Variants in ATP10D observed in about 807,000 individuals in gnomAD.
ATP10D encodes the protein phospholipid-transporting ATPase VD.
In ATP10D, 89 loss-of-function variants were observed where a neutral mutation model predicts 144.8. The ratio of observed to expected loss-of-function variants is 0.61; its 90% CI spans 0.52 to 0.73. The LOEUF (loss-of-function observed/expected upper bound fraction) is 0.73, where lower values mean the gene tolerates loss of function less well. ATP10D is among the 30% of genes least tolerant of loss of function. ATP10D has a pLI of 0.00. For synonymous variants in ATP10D, 571 were observed against 615.1 expected, an observed-to-expected ratio of 0.93 and a Z score of 1.06; for missense variants, 1,603 against 1,714.8, an observed-to-expected ratio of 0.93 and a Z score of 1.15.
At chr4:47,504,608 G>A (rs1249417030) in intron 1 of ATP10D, among the ~76,000 whole-genome samples, 1 of 151,916 alleles carries the variant, frequency 6.6e-6, no homozygotes, top group Non-Finnish European at 1.5e-5. Flanking sequence ...TGTGGCCCAG[G>A]CTGGAGTGCA....
chr4:47,591,457 A>ATGACTTGTTT lies in ATP10D; in HGVS notation c.*78_*87dup. ...TGAAGAGGTATCTCTCCAAGCAAGA[A>ATGACTTGTTT]TGACTTGTTTTTCCATAAGGGACAT... On this transcript the variant is annotated 3_prime_UTR_variant, in exon 23 of 23. Coordinates refer to ENST00000273859, the MANE Select transcript of ATP10D (RefSeq NM_020453.4). The ATGACTTGTTT allele has an allele frequency of 7.7e-7, 1 of 1,298,514 alleles. No individual in the cohort carries two copies. The highest frequency in any genetic ancestry group is 1.5e-5 in the African/African-American group (1 of 67,184). The allele number at this position is 1,298,514 out of a possible 1,614,324, so 80.4% of individuals were successfully genotyped here.
chr4:47,562,812 G>A (rs1477732700), intron 14 of ATP10D, among the ~76,000 whole-genome samples: 2 of 151,326 alleles, frequency 1.3e-5, no homozygotes, highest in East Asian at 1.9e-4. Context: ...ACCAACAAAC[G>A]ATTAAAGAAA....
rs1219423153 is a variant in ATP10D, at chr4:47,487,224, C to T, written c.-38+1705C>T. Among the ~76,000 whole-genome samples the T allele has an allele frequency of 1.7e-4, 10 of 58,652 alleles. 1 individual carries two copies. The highest frequency in any genetic ancestry group is 4.3e-4 in the African/African-American group (7 of 16,436). The allele number at this position is 58,652 out of a possible 152,430, so 38.5% of individuals were successfully genotyped here. On this transcript the variant is annotated intron_variant, in intron 1 of 22. Coordinates refer to ENST00000273859, the MANE Select transcript of ATP10D (RefSeq NM_020453.4). ...AGCCTGGGCAACAAGAGCAAAACTC[C>T]GTCCCCCAAAAAAAAAAAAAAAAAA... is the stretch of plus-strand genomic sequence containing the variant.
intron 9 of ATP10D, among the ~76,000 whole-genome samples, chr4:47,544,179 A>G (rs1718299432): frequency 6.6e-6 from 1 of 152,186 alleles, no homozygotes; most frequent in African/African-American, 2.4e-5. Flanking sequence ...AAGTTTATTT[A>G]TTTGTAAAAT....
At chr4:47,508,905 A>T (rs539506009) in intron 1 of ATP10D, among the ~76,000 whole-genome samples, 11 of 152,318 alleles carry the variant, frequency 7.2e-5, no homozygotes, top group Admixed American at 2.6e-4. Flanking sequence ...TCATCTCTGA[A>T]GTCTAAGCCT....
intron 5 of ATP10D, among the ~76,000 whole-genome samples, chr4:47,531,086 A>G (rs1285923579): frequency 6.6e-6 from 1 of 150,744 alleles, no homozygotes; most frequent in Non-Finnish European, 1.5e-5. Context: ...GGTATCAGCT[A>G]TTTTTTTTTG....
rs1444471938 is a variant in ATP10D at position 47,534,561 on chromosome 4, A to C, written c.777-948A>C. The stretch of plus-strand genomic sequence containing the variant: ...CACGATGTCTCCTTGTCCCATTGTA[A>C]GATTAGTGTTATCAGCCTTATCCTA... On this transcript the variant is annotated intron_variant, in intron 5 of 22. Transcript: ENST00000273859. Among the ~76,000 whole-genome samples, 5 of 152,286 alleles carry C rather than the reference A, an allele frequency of 3.3e-5. No homozygotes were observed. The East Asian group carries it at 9.6e-4, about 29-fold the overall frequency.
intron 18 of ATP10D, 108 bp from the exon 19 acceptor site, chr4:47,576,665 C>G: frequency 1.0e-6 from 1 of 992,514 alleles, no homozygotes; most frequent in Non-Finnish European, 1.6e-6. Flanking sequence ...TATAAGAAAA[C>G]TACAGAGAGG....
At chr4:47,502,638 ATAATATATGTATGTATG>A (rs1715766373) in intron 1 of ATP10D, among the ~76,000 whole-genome samples, 1 of 148,352 alleles carries the variant, frequency 6.7e-6, no homozygotes. Flanking sequence ...ACGTATGTAT[ATAATATATGTATGTATG>A]TAATATTACA....
rs1292639834 is a variant in ATP10D at position 47,487,229 on chromosome 4, CCCAAAA to C, written c.-38+1711_-38+1716del. ...GGGCAACAAGAGCAAAACTCCGTCCCCCAAAAAAAAAAAAAAAAAAATAGAATCTCA... is the reference window on the plus strand; with the variant it reads ...GGGCAACAAGAGCAAAACTCCGTCCCAAAAAAAAAAAAAAATAGAATCTCA... On this transcript the variant is annotated intron_variant, in intron 1 of 22. Transcript: ENST00000273859. Among the ~76,000 whole-genome samples the C allele has an allele frequency of 5.0e-4, 7 of 14,128 alleles. No individual in the cohort carries two copies. In the East Asian group the frequency reaches 0.023, roughly 46 times the overall value. The allele number at this position is 14,128 out of a possible 152,430, so 9.3% of individuals were successfully genotyped here. A position where few individuals can be genotyped will look rare whatever the true frequency, so the allele number is the denominator to read the frequency against.
chr4:47,517,194 G>C (rs1020308551), intron 3 of ATP10D, among the ~76,000 whole-genome samples: 1 of 152,238 alleles, frequency 6.6e-6, no homozygotes, highest in Admixed American at 6.5e-5. Context: ...TGGCTGGATT[G>C]CATGAGTTCA....
intron 9 of ATP10D, among the ~76,000 whole-genome samples, chr4:47,544,992 C>A (rs1443554467): frequency 6.6e-6 from 1 of 152,004 alleles, no homozygotes; most frequent in East Asian, 1.9e-4. Context: ...AAAAAATTAG[C>A]GATAAGTACT....
intron 9 of ATP10D, 142 bp downstream of exon 9, chr4:47,537,080 C>A: frequency 1.0e-6 from 1 of 997,598 alleles, no homozygotes; most frequent in Non-Finnish European, 1.4e-6. Flanking sequence ...GGCCTTTAAA[C>A]TTCATTGTTG....
chr4:47,530,748 G>A (rs562934898), intron 5 of ATP10D, among the ~76,000 whole-genome samples: 2 of 152,208 alleles, frequency 1.3e-5, no homozygotes, highest in African/African-American at 2.4e-5. Flanking sequence ...GAGCCACTGC[G>A]CCCAGCCTAG....
chr4:47,565,462 G>A (rs1719576504), intron 15 of ATP10D, among the ~76,000 whole-genome samples: 1 of 152,176 alleles, frequency 6.6e-6, no homozygotes, highest in Admixed American at 6.5e-5. Flanking sequence ...ATGTAGCCTA[G>A]GTGGCTGGTA....
At chr4:47,523,435 A>G (rs1717072993) in intron 4 of ATP10D, among the ~76,000 whole-genome samples, 1 of 152,176 alleles carries the variant, frequency 6.6e-6, no homozygotes, top group Non-Finnish European at 1.5e-5. Flanking sequence ...TTAGTGTAGC[A>G]CTCATATTTT....
intron 9 of ATP10D, among the ~76,000 whole-genome samples, chr4:47,543,365 A>G (rs746326983): frequency 2.6e-5 from 4 of 152,178 alleles, no homozygotes; most frequent in Admixed American, 1.3e-4. Context: ...TACGTCATCA[A>G]TAAATTCCTT....
In ATP10D at chr4:47,568,733, G is replaced by A. The variant is rs1719773118; in HGVS notation, c.2854-104G>A. Reference sequence around the variant, plus strand: ...AAATAATCAGTTATTCATTATTTGAGGTTTTCTTGATTCAGCAATTGCTAA... The same window carrying A: ...AAATAATCAGTTATTCATTATTTGAAGTTTTCTTGATTCAGCAATTGCTAA... On this transcript the variant is annotated intron_variant, in intron 15 of 22. Coordinates refer to ENST00000273859, the MANE Select transcript of ATP10D (RefSeq NM_020453.4). 3.1e-6 allele frequency: 3 copies of A among 955,016 alleles called. No individual in the cohort carries two copies. In the East Asian group the frequency reaches 7.3e-5, roughly 23 times the overall value. 59.2% of individuals were successfully genotyped at this position (955,016 alleles called of 1,614,324 possible).
intron 10 of ATP10D, among the ~76,000 whole-genome samples, chr4:47,548,210 G>A (rs1392294446): frequency 2.6e-5 from 4 of 152,042 alleles, no homozygotes; most frequent in Non-Finnish European, 5.9e-5. Context: ...CACCCTATTC[G>A]TGGAACAAAT....
Sources: gnomAD v4.1 joint callset for allele counts (sites outside exome capture counted in the v4.1 genomes callset) on GRCh38, gnomAD v4.1.1 for gene constraint, MANE v1.5 for transcripts, NCBI Gene and HGNC (gene_info 2026-07-23, HGNC 2026-07-21) for gene names.